Variants in AFF3 observed in about 807,000 individuals in gnomAD.
AFF3 encodes the protein ALF transcription elongation factor 3, also known as AF4/FMR2 family member 3.
AFF3 carries 32 observed loss-of-function variants against 129.7 expected under a neutral mutation model. That is an observed-to-expected ratio of 0.25 (90% confidence interval 0.19 to 0.33). The LOEUF is 0.33. Among genes scored for constraint, AFF3 ranks in the 10% least tolerant of loss-of-function variants. The pLI is 1.00. For missense variants in AFF3, 1,373 were observed against 1,592.0 expected (o/e 0.86, Z 2.34); for synonymous variants, 644 against 635.4 (o/e 1.01, Z -0.20).
intron 4 of AFF3, among the ~76,000 whole-genome samples, chr2:100,039,516 C>T (rs988737849): frequency 1.9e-4 from 29 of 152,096 alleles, no homozygotes; most frequent in Non-Finnish European, 3.7e-4. Flanking sequence ...ATGATGGCAC[C>T]ACTGCACTCT....
chr2:99,744,185 C>A (rs767956040), intron 9 of AFF3, 45 bp from the exon 10 acceptor site: 4 of 1,559,990 alleles, frequency 2.6e-6, no homozygotes, highest in South Asian at 1.1e-5. Flanking sequence ...TTTTGACTTT[C>A]AAAATCCAAG....
At chr2:99,815,705 GT>G (rs112496330) in intron 8 of AFF3, among the ~76,000 whole-genome samples, 6,376 of 142,022 alleles carry the variant, frequency 0.045, 165 homozygotes, top group African/African-American at 0.088. Context: ...TGGGTTGAGA[GT>G]TTTTTTTTTT....
intron 4 of AFF3, among the ~76,000 whole-genome samples, chr2:100,099,748 A>C (rs1690576312): frequency 6.6e-6 from 1 of 152,224 alleles, no homozygotes; most frequent in Non-Finnish European, 1.5e-5. Context: ...CCTGTACAGC[A>C]GGGTTTCCTA....
chr2:99,602,517 T>C (rs1438471259), intron 13 of AFF3, among the ~76,000 whole-genome samples: 7 of 152,234 alleles, frequency 4.6e-5, no homozygotes, highest in Non-Finnish European at 8.8e-5. Flanking sequence ...AGAAAGTGTT[T>C]GAGCAGAAAA....
intron 16 of AFF3, among the ~76,000 whole-genome samples, chr2:99,585,730 T>C (rs1678039270): frequency 6.6e-6 from 1 of 152,192 alleles, no homozygotes; most frequent in Non-Finnish European, 1.5e-5. Flanking sequence ...TTTCTTTTTT[T>C]CTTTTTCTTT....
intron 8 of AFF3, among the ~76,000 whole-genome samples, chr2:99,764,222 C>T (rs1682832166): frequency 6.6e-6 from 1 of 152,202 alleles, no homozygotes; most frequent in African/African-American, 2.4e-5. Context: ...TCATCAAAAG[C>T]ACTCCTTATT....
In AFF3 at chr2:99,547,638, T is replaced by C. The variant is rs563815800; in HGVS notation, c.*3836A>G. Reference sequence around the variant, plus strand: ...TAATGTTGGCTGCACTGATTAATTTTATAACAATTACTGCACTTCCAAGTT... The same window carrying C: ...TAATGTTGGCTGCACTGATTAATTTCATAACAATTACTGCACTTCCAAGTT... On this transcript the variant is annotated 3_prime_UTR_variant, in exon 25 of 25. Coordinates refer to ENST00000672756, the MANE Select transcript of AFF3 (RefSeq NM_001386135.1). 1 of 209,170 alleles carries C rather than the reference T, an allele frequency of 4.8e-6. No individual in the cohort carries two copies. Among genetic ancestry groups the C allele is most frequent in the South Asian group, 1.9e-4 (1 of 5,332 alleles). The allele number at this position is 209,170 out of a possible 1,614,324, so 13.0% of individuals were successfully genotyped here.
intron 9 of AFF3, among the ~76,000 whole-genome samples, chr2:99,748,057 G>T (rs1042658944): frequency 1.3e-5 from 2 of 152,100 alleles, no homozygotes. Context: ...GGGTCCTGGG[G>T]CTGCAGCTTT....
chr2:99,818,768 T>G (rs1025098927), intron 8 of AFF3, among the ~76,000 whole-genome samples: 2 of 152,208 alleles, frequency 1.3e-5, no homozygotes, highest in Admixed American at 6.5e-5. Context: ...TCTTTGTGAA[T>G]TCTCAAAATA....
chr2:99,773,542 G>A (rs183800109), intron 8 of AFF3, among the ~76,000 whole-genome samples: 257 of 151,988 alleles, frequency 1.7e-3, no homozygotes, highest in Non-Finnish European at 2.6e-3. Flanking sequence ...AGGTGGTGGG[G>A]GTGGAGGTTG....
intron 13 of AFF3, among the ~76,000 whole-genome samples, chr2:99,604,702 A>G (rs753192635): frequency 2.6e-5 from 4 of 152,144 alleles, no homozygotes; most frequent in Non-Finnish European, 5.9e-5. Flanking sequence ...AAAAAAGCAA[A>G]ACAACACATG....
At chr2:100,020,550 C>T (rs1683505331) in intron 4 of AFF3, among the ~76,000 whole-genome samples, 1 of 152,110 alleles carries the variant, frequency 6.6e-6, no homozygotes. Context: ...ACCACCACAC[C>T]GACCCCAACC....
At chr2:99,910,647 T>G (rs1695041089) in intron 7 of AFF3, among the ~76,000 whole-genome samples, 3 of 152,260 alleles carry the variant, frequency 2.0e-5, no homozygotes, top group Admixed American at 2.0e-4. Flanking sequence ...AGTTGATATT[T>G]AAGGACAATA....
chr2:99,583,077 C>G (rs755141107), intron 16 of AFF3, 78 bp from the exon 17 acceptor site: 6 of 1,357,550 alleles, frequency 4.4e-6, no homozygotes, highest in Non-Finnish European at 6.2e-6. Context: ...TGACCCAAAC[C>G]ACCCAACTGG....
At chr2:100,061,065 G>A (rs1211828021) in intron 4 of AFF3, among the ~76,000 whole-genome samples, 2 of 152,176 alleles carry the variant, frequency 1.3e-5, no homozygotes, top group East Asian at 3.8e-4. Flanking sequence ...TCAGGTCACA[G>A]AGATGAAACA....
chr2:99,600,997 C>T (rs1223389281), intron 14 of AFF3, among the ~76,000 whole-genome samples: 15 of 152,116 alleles, frequency 9.9e-5, no homozygotes, highest in South Asian at 8.3e-4. Flanking sequence ...CGTGACAAAC[C>T]GCAAAAAGGT....
intron 4 of AFF3, among the ~76,000 whole-genome samples, chr2:100,037,450 T>C (rs1355214669): frequency 8.2e-6 from 1 of 122,466 alleles, no homozygotes; most frequent in African/African-American, 3.1e-5. Flanking sequence ...ATTTTATATA[T>C]TATTTATATA....
rs12613695 is a variant in AFF3 at position 99,885,276 on chromosome 2, A to G, written c.874-47752T>C. ...TCATCCACTTTACCCTACCTCACAC[A>G]CAAAGGCCTTTCCCTCATTTTCCCC... On this transcript the variant is annotated intron_variant, in intron 7 of 24. Transcript: ENST00000672756. Among the ~76,000 whole-genome samples, 349 of 152,200 alleles carry G rather than the reference A, an allele frequency of 2.3e-3. 4 individuals carry two copies. The East Asian group carries it at 0.036, about 16-fold the overall frequency.
At chr2:99,705,392 G>T (rs1487945156) in intron 11 of AFF3, among the ~76,000 whole-genome samples, 4 of 152,100 alleles carry the variant, frequency 2.6e-5, no homozygotes, top group Non-Finnish European at 5.9e-5. Flanking sequence ...TGGGAGAGGA[G>T]GGGGAGAGAA....
Sources: allele counts gnomAD v4.1 joint callset (sites outside exome capture counted in the v4.1 genomes callset), GRCh38; gene constraint gnomAD v4.1.1; transcripts MANE v1.5; gene names NCBI Gene and HGNC (gene_info 2026-07-23, HGNC 2026-07-21).